RTN1: variants seen among roughly 807,000 people sequenced by gnomAD.
RTN1 encodes reticulon 1, also known as reticulon-1.
In RTN1, 25 loss-of-function variants were observed where a neutral mutation model predicts 65.5. The observed-to-expected ratio is 0.38, with a 90% confidence interval of 0.28 to 0.53. RTN1 has a LOEUF of 0.53. Ranked by LOEUF, RTN1 falls within the 20% of genes least tolerant of loss-of-function variation. The probability of loss-of-function intolerance (pLI) is 0.79; values close to 1 mark genes in which losing one functional copy is unlikely to be tolerated. For missense variants in RTN1, 983 were observed against 1,025.4 expected, an observed-to-expected ratio of 0.96 and a Z score of 0.57; for synonymous variants, 471 against 447.6, an observed-to-expected ratio of 1.05 and a Z score of -0.66.
In RTN1 at chr14:59,723,935, A is replaced by AG. The variant is rs567478940; in HGVS notation, c.1765+2983_1765+2984insC. On this transcript the variant is annotated intron_variant, in intron 3 of 8. Transcript: ENST00000267484. Reference sequence around the variant, plus strand: ...ACACTCTAATAAAAAGTATTCTACAATCACATAGGTTTGGTAAATATCACA... The same window carrying AG: ...ACACTCTAATAAAAAGTATTCTACAAGTCACATAGGTTTGGTAAATATCACA... 1.7e-4 allele frequency among the ~76,000 whole-genome samples: 26 copies of AG among 152,376 alleles called. No individual in the cohort carries two copies. In the South Asian group the frequency reaches 5.0e-3, roughly 29 times the overall value.
In RTN1 at chr14:59,727,390, C is replaced by A. The variant is rs778936604; in HGVS notation, c.1294G>T (p.Val432Leu). The A allele has an allele frequency of 3.2e-6, 5 of 1,541,578 alleles. No homozygotes were observed. Among genetic ancestry groups the A allele is most frequent in the Non-Finnish European group, 4.4e-6 (5 of 1,143,418 alleles). The change falls in exon 3 of 9, where the codon GTG becomes TTG. Residue 432 changes from valine to leucine, a missense_variant. Val to Leu is a conservative substitution (Grantham distance 32). Coordinates refer to ENST00000267484, the MANE Select transcript of RTN1 (RefSeq NM_021136.3). The surrounding 1 kb of genome is among the most constrained non-coding windows in gnomAD (Gnocchi z 4.2). Reference sequence around the variant, plus strand: ...GGGCCGCCCACGTGGCCAAAGCTCACATAGCCTGAGGGCAGCGCGTCCTCC... The same window carrying A: ...GGGCCGCCCACGTGGCCAAAGCTCAAATAGCCTGAGGGCAGCGCGTCCTCC... ...AAEDALPSGY[V>L]SFGHVGGPPP...
chr14:59,752,429 C>T (rs79881246), intron 1 of RTN1, among the ~76,000 whole-genome samples: 3,727 of 152,064 alleles, frequency 0.025, 151 homozygotes, highest in African/African-American at 0.084. Context: ...TAATCACCTC[C>T]CAAAGGCCCG....
chr14:59,740,271 T>C (rs866316545), intron 2 of RTN1, among the ~76,000 whole-genome samples: 10 of 152,172 alleles, frequency 6.6e-5, no homozygotes, highest in South Asian at 2.1e-4. Context: ...TTTACAACAG[T>C]GGCTCTTATT....
Position 59,727,689 on chromosome 14 carries a change from G to GGAGA in RTN1, c.1016-25_1016-22dup. 6.4e-7 allele frequency: 1 copy of GGAGA among 1,563,966 alleles called. No individual in the cohort carries two copies. The highest frequency in any genetic ancestry group is 8.7e-7 in the Non-Finnish European group (1 of 1,154,616). On this transcript the variant is annotated intron_variant, in intron 2 of 8. Coordinates refer to ENST00000267484, the MANE Select transcript of RTN1 (RefSeq NM_021136.3). The surrounding 1 kb of genome is among the most constrained non-coding windows in gnomAD (Gnocchi z 4.2). ...TGGTTCTGTCGTCCCACAGAGCGAA[G>GGAGA]GAGAGCCACGGAGGCACACACACGG... is the stretch of plus-strand genomic sequence containing the variant.
intron 3 of RTN1, among the ~76,000 whole-genome samples, chr14:59,715,825 C>CAAA (rs76299030): frequency 1.1e-5 from 1 of 88,418 alleles, no homozygotes. Context: ...GACTCCATCT[C>CAAA]AAAAAAAAAA....
chr14:59,826,839 G>C (rs923943936), intron 1 of RTN1, among the ~76,000 whole-genome samples: 1 of 151,620 alleles, frequency 6.6e-6, no homozygotes, highest in East Asian at 1.9e-4. Flanking sequence ...GTGTAGGGAA[G>C]ACAATGAAAA....
At chr14:59,827,604 A>G (rs947139974) in intron 1 of RTN1, among the ~76,000 whole-genome samples, 5 of 152,196 alleles carry the variant, frequency 3.3e-5, no homozygotes, top group African/African-American at 1.2e-4. Context: ...TCCAAGAACT[A>G]TTCAGCTGTA....
intron 8 of RTN1, among the ~76,000 whole-genome samples, chr14:59,600,643 A>G (rs556589501): frequency 1.6e-3 from 243 of 152,250 alleles, no homozygotes; most frequent in Non-Finnish European, 2.8e-3. Context: ...AAAACAGGTT[A>G]TTTGGAAGAA....
chr14:59,737,747 C>T (rs1445317013), intron 2 of RTN1, among the ~76,000 whole-genome samples: 1 of 152,174 alleles, frequency 6.6e-6, no homozygotes, highest in African/African-American at 2.4e-5. Context: ...CATTATGCTA[C>T]TTGACTTCAA....
chr14:59,739,245 G>T (rs763845235), intron 2 of RTN1, among the ~76,000 whole-genome samples: 1 of 152,322 alleles, frequency 6.6e-6, no homozygotes, highest in African/African-American at 2.4e-5. Context: ...GGAAGGCCAG[G>T]TGCAGTGGCT....
At chr14:59,706,340 A>C (rs1324369179) in intron 3 of RTN1, among the ~76,000 whole-genome samples, 2 of 151,458 alleles carry the variant, frequency 1.3e-5, no homozygotes, top group Non-Finnish European at 2.9e-5. Context: ...TACATCCCTC[A>C]CTTTACATCT....
rs574747661 is a variant in RTN1 at position 59,830,225 on chromosome 14, C to T, written c.241+40165G>A. 7.9e-4 allele frequency among the ~76,000 whole-genome samples: 121 copies of T among 152,310 alleles called. 1 individual carries two copies. Among genetic ancestry groups the T allele is most frequent in the Non-Finnish European group, 1.4e-3 (98 of 68,028 alleles). On this transcript the variant is annotated intron_variant, in intron 1 of 8. Coordinates refer to ENST00000267484, the MANE Select transcript of RTN1 (RefSeq NM_021136.3). ...GCTGGTTGGAAAGCAATCCTAACTA[C>T]ATCGGATATGAATCTGAATTTTAAA...
intron 1 of RTN1, among the ~76,000 whole-genome samples, chr14:59,799,118 T>C (rs1035548483): frequency 3.3e-5 from 5 of 152,220 alleles, no homozygotes; most frequent in Admixed American, 2.0e-4. Flanking sequence ...CGTGATTCGC[T>C]ACATGCAAGT....
Position 59,803,668 on chromosome 14 carries a change from G to T in RTN1, c.242-57187C>A, listed in dbSNP as rs996989222. ...TTCTATTCATCATCCAGCTCTTTCT[G>T]CCTGGATACGTTACACTTTGCTTTT... On this transcript the variant is annotated intron_variant, in intron 1 of 8. Coordinates refer to ENST00000267484, the MANE Select transcript of RTN1 (RefSeq NM_021136.3). This position sits in a 1 kb window ranked among gnomAD's most constrained non-coding sequence, Gnocchi z 5.6. Among the ~76,000 whole-genome samples, 1 of 152,146 alleles carries T rather than the reference G, an allele frequency of 6.6e-6. No homozygotes were observed. Among genetic ancestry groups the T allele is most frequent in the African/African-American group, 2.4e-5 (1 of 41,434 alleles).
At chr14:59,808,421 C>T (rs1452690532) in intron 1 of RTN1, among the ~76,000 whole-genome samples, 1 of 152,174 alleles carries the variant, frequency 6.6e-6, no homozygotes, top group African/African-American at 2.4e-5. Flanking sequence ...AAACTTTGCA[C>T]TTGAATAAGC....
chr14:59,761,251 T>C (rs1440260855), intron 1 of RTN1, among the ~76,000 whole-genome samples: 1 of 152,156 alleles, frequency 6.6e-6, no homozygotes, highest in Admixed American at 6.5e-5. Flanking sequence ...CCCACCCAAA[T>C]CTCACCTTGA....
At chr14:59,723,940 A>G (rs903161762) in intron 3 of RTN1, among the ~76,000 whole-genome samples, 1 of 152,244 alleles carries the variant, frequency 6.6e-6, no homozygotes, top group African/African-American at 2.4e-5. Flanking sequence ...CTACAATCAC[A>G]TAGGTTTGGT....
chr14:59,646,500 A>T (rs1017178670), intron 3 of RTN1, among the ~76,000 whole-genome samples: 2 of 152,198 alleles, frequency 1.3e-5, no homozygotes, highest in African/African-American at 4.8e-5. Flanking sequence ...CATCACCAAG[A>T]TACACAATCA....
chr14:59,727,319 C>A lies in RTN1; in HGVS notation c.1365G>T (p.Arg455Ser). The change falls in exon 3 of 9, where the codon AGG (arginine) becomes AGT (serine). Residue 455 changes from arginine to serine, a missense_variant. Arg to Ser is a moderately radical substitution (Grantham distance 110, BLOSUM62 -1). Coordinates refer to ENST00000267484, the MANE Select transcript of RTN1 (RefSeq NM_021136.3). The surrounding 1 kb of genome is among the most constrained non-coding windows in gnomAD (Gnocchi z 4.2). ...TGTCCAGCTCGGCCTCGCGCTCCTCCCTCAGGATGCTGTACTGGATGGATG... is the reference window on the plus strand; with the variant it reads ...TGTCCAGCTCGGCCTCGCGCTCCTCACTCAGGATGCTGTACTGGATGGATG... Reference protein sequence around the residue: ...ASPSIQYSILREEREAELDSE... With the variant: ...ASPSIQYSILSEEREAELDSE... 1 of 1,497,968 alleles carries A rather than the reference C, an allele frequency of 6.7e-7. No homozygotes were observed. Among genetic ancestry groups the A allele is most frequent in the East Asian group, 2.4e-5 (1 of 40,840 alleles). 92.8% of individuals were successfully genotyped at this position (1,497,968 alleles called of 1,614,324 possible).
Sources: gnomAD v4.1 joint callset for allele counts (sites outside exome capture counted in the v4.1 genomes callset) on GRCh38, gnomAD v4.1.1 for gene constraint, Gnocchi (gnomAD v3.1) non-coding constraint, MANE v1.5 for transcripts, NCBI Gene and HGNC (gene_info 2026-07-23, HGNC 2026-07-21) for gene names.